Variants in ANK2 observed in about 807,000 individuals in gnomAD.
The protein encoded by ANK2 is ankyrin-2.
Under a neutral mutation model 360.5 loss-of-function variants are expected in ANK2, and 83 were observed. The ratio of observed to expected loss-of-function variants is 0.23; its 90% confidence interval spans 0.19 to 0.28. The LOEUF (loss-of-function observed/expected upper bound fraction) is 0.28, where lower values mean the gene tolerates loss of function less well. Ranked by LOEUF, ANK2 falls within the 10% of genes least tolerant of loss-of-function variation. The pLI, the probability that ANK2 is intolerant of heterozygous loss-of-function variation, is 1.00. For missense variants in ANK2, 4,201 were observed against 4,795.7 expected (o/e 0.88, Z 3.66); for synonymous variants, 1,740 against 1,759.5 (o/e 0.99, Z 0.28).
At chr4:112,750,462 A>G in the ANK2 span, among the ~76,000 whole-genome samples, 1 of 152,176 alleles carries the variant, frequency 6.6e-6, no homozygotes. Context: ...ACACTTGCCT[A>G]CAATATTCAG....
At chr4:113,035,794 G>C (rs2061460565) in intron 2 of ANK2, among the ~76,000 whole-genome samples, 1 of 151,828 alleles carries the variant, frequency 6.6e-6, no homozygotes, top group African/African-American at 2.4e-5. Context: ...AGAATGGAAG[G>C]AATACCTAAA....
At chr4:113,042,436 C>T (rs754054119) in intron 2 of ANK2, among the ~76,000 whole-genome samples, 43 of 152,246 alleles carry the variant, frequency 2.8e-4, no homozygotes, top group Middle Eastern at 3.4e-3. Flanking sequence ...ATCTATTTAT[C>T]GCTATATATC....
At chr4:112,982,755 G>A (rs1017353987) in intron 2 of ANK2, among the ~76,000 whole-genome samples, 4 of 151,658 alleles carry the variant, frequency 2.6e-5, no homozygotes, top group South Asian at 2.1e-4. Context: ...ATAAAAACTA[G>A]TCAAAGTCAA....
At chr4:112,788,295 T>C in the ANK2 span, 9 of 1,573,592 alleles carry the variant, frequency 5.7e-6, no homozygotes, top group Non-Finnish European at 6.9e-6. Context: ...GTGCAGGTCT[T>C]CCTGTGGACG....
intron 1 of ANK2, among the ~76,000 whole-genome samples, chr4:113,159,137 TTTTGTTCTGGAAGTAGCATATATGAC>T (rs1439614521): frequency 2.0e-5 from 3 of 151,926 alleles, no homozygotes; most frequent in Non-Finnish European, 2.9e-5. Context: ...TAAATTGAAA[TTTTGTTCTGGAAGTAGCATATATGAC>T]TTCCTCTCTC....
At chr4:113,328,542 A>C (rs2091249061) in intron 26 of ANK2, among the ~76,000 whole-genome samples, 1 of 152,254 alleles carries the variant, frequency 6.6e-6, no homozygotes, top group African/African-American at 2.4e-5. Flanking sequence ...TAGTAATAAG[A>C]AAAGTGGCAA....
chr4:113,014,867 T>C (rs1199045431), intron 2 of ANK2, among the ~76,000 whole-genome samples: 1 of 138,218 alleles, frequency 7.2e-6, no homozygotes, highest in African/African-American at 2.7e-5. Context: ...TTTTTTTTTT[T>C]TTTTTTTTTG....
At chr4:112,904,186 C>T (rs951607250) in intron 1 of ANK2, among the ~76,000 whole-genome samples, 2 of 152,116 alleles carry the variant, frequency 1.3e-5, no homozygotes, top group African/African-American at 4.8e-5. Context: ...AATGGACATT[C>T]TCATATTTTT....
chr4:112,736,474 A>T, the ANK2 span, among the ~76,000 whole-genome samples: 1 of 152,148 alleles, frequency 6.6e-6, no homozygotes, highest in Non-Finnish European at 1.5e-5. Context: ...CAAAAAAAAA[A>T]AAAAAAATAG....
the ANK2 span, among the ~76,000 whole-genome samples, chr4:112,774,047 C>A: frequency 6.6e-6 from 1 of 151,876 alleles, no homozygotes; most frequent in Non-Finnish European, 1.5e-5. Context: ...GATCTGCCTG[C>A]CTTGGCCTCC....
At chr4:112,764,334 C>T in the ANK2 span, among the ~76,000 whole-genome samples, 8 of 152,058 alleles carry the variant, frequency 5.3e-5, no homozygotes, top group African/African-American at 1.4e-4. Flanking sequence ...TGTTCTGATG[C>T]TCTCTGTATT....
chr4:112,807,530 G>A, the ANK2 span, among the ~76,000 whole-genome samples: 5 of 152,266 alleles, frequency 3.3e-5, no homozygotes, highest in South Asian at 1.0e-3. Context: ...TTTTTAGAAA[G>A]GGGGTAAAAT....
intron 37 of ANK2, 51 bp from the exon 38 acceptor site, chr4:113,352,994 T>G (rs377730284): frequency 1.9e-6 from 3 of 1,592,790 alleles, no homozygotes; most frequent in Non-Finnish European, 2.6e-6. Flanking sequence ...CATTTGCCAA[T>G]ATCTTTTTTG....
At chr4:112,836,969 A>C (rs115997183) in intron 1 of ANK2, among the ~76,000 whole-genome samples, 2,678 of 152,336 alleles carry the variant, frequency 0.018, 88 homozygotes, top group African/African-American at 0.059. Context: ...CAGATGCATA[A>C]ATTTGCATAA....
At chr4:113,124,640 C>A (rs1330711152) in intron 1 of ANK2, among the ~76,000 whole-genome samples, 1 of 152,164 alleles carries the variant, frequency 6.6e-6, no homozygotes, top group Admixed American at 6.5e-5. Flanking sequence ...TTAGCATGTA[C>A]AGTTGGAATT....
At chr4:113,074,231 A>C (rs1007493740) in intron 1 of ANK2, among the ~76,000 whole-genome samples, 1 of 152,190 alleles carries the variant, frequency 6.6e-6, no homozygotes, top group Non-Finnish European at 1.5e-5. Context: ...GTATTTATTA[A>C]TTGCTTACTG....
chr4:112,818,968 C>T (rs1427835383), intron 1 of ANK2, among the ~76,000 whole-genome samples: 1 of 152,100 alleles, frequency 6.6e-6, no homozygotes, highest in Non-Finnish European at 1.5e-5. Flanking sequence ...ATACAGATTT[C>T]TGAGCAGTGT....
At chr4:112,773,776 A>C in the ANK2 span, among the ~76,000 whole-genome samples, 30 of 151,956 alleles carry the variant, frequency 2.0e-4, no homozygotes, top group Non-Finnish European at 3.4e-4. Flanking sequence ...CACCTAAGTA[A>C]ATTTTATTTT....
chr4:112,934,297 G>T (rs1561167030), intron 2 of ANK2, among the ~76,000 whole-genome samples: 1 of 152,172 alleles, frequency 6.6e-6, no homozygotes, highest in African/African-American at 2.4e-5. Flanking sequence ...CTGCAGAGCC[G>T]TGCTAAGGTG....
Sources: gnomAD v4.1 joint callset for allele counts (sites outside exome capture counted in the v4.1 genomes callset) on GRCh38, gnomAD v4.1.1 for gene constraint, MANE v1.5 for transcripts, NCBI Gene and HGNC (gene_info 2026-07-23, HGNC 2026-07-21) for gene names.